Variants in PUS10 observed in about 807,000 individuals in gnomAD.
PUS10 encodes the protein tRNA pseudouridine synthase Pus10.
PUS10 carries 59 observed loss-of-function variants against 75.0 expected under a neutral mutation model. That is an observed-to-expected ratio of 0.79 (90% CI 0.64 to 0.98). The LOEUF is 0.98. PUS10 is among the 50% of genes least tolerant of loss of function. The pLI is 0.00. For synonymous variants in PUS10, 219 were observed against 211.6 expected (o/e 1.03, Z -0.30); for missense variants, 650 against 614.4 (o/e 1.06, Z -0.61).
chr2:61,015,887 C>T (rs924219315), intron 1 of PUS10, among the ~76,000 whole-genome samples: 1 of 152,096 alleles, frequency 6.6e-6, no homozygotes, highest in African/African-American at 2.4e-5. Context: ...TTCTGTTTCA[C>T]CTGTTACTCT....
At chr2:60,945,585 GGA>G (rs1674895834) in intron 16 of PUS10, among the ~76,000 whole-genome samples, 1 of 152,148 alleles carries the variant, frequency 6.6e-6, no homozygotes, top group African/African-American at 2.4e-5. Flanking sequence ...GCAATAGGGT[GGA>G]AGGAATAATG....
intron 6 of PUS10, chr2:60,965,774 T>TTC (rs1296538598): frequency 4.6e-6 from 1 of 217,132 alleles, no homozygotes; most frequent in Non-Finnish European, 9.0e-6. Flanking sequence ...TAAAGATGAA[T>TTC]GAGAATTTAC....
Position 60,953,128 on chromosome 2 carries a change from A to G in PUS10, c.1191-14T>C. 4.3e-6 allele frequency: 6 copies of G among 1,401,334 alleles called. No individual in the cohort carries two copies. Among genetic ancestry groups the G allele is most frequent in the Non-Finnish European group, 6.0e-6 (6 of 1,001,376 alleles). The allele number at this position is 1,401,334 out of a possible 1,614,324, so 86.8% of individuals were successfully genotyped here. A position where few individuals can be genotyped will look rare whatever the true frequency, so the allele number is the denominator to read the frequency against. On this transcript the variant is annotated splice_polypyrimidine_tract_variant and intron_variant, in intron 14 of 17. Coordinates refer to ENST00000316752, the MANE Select transcript of PUS10 (RefSeq NM_144709.4). ...CCTATTGCCTCTCTAAACAAAAACAATTTTTAGAAGTTTGTCCAAATAAAC... is the reference window on the plus strand; with the variant it reads ...CCTATTGCCTCTCTAAACAAAAACAGTTTTTAGAAGTTTGTCCAAATAAAC...
intron 4 of PUS10, among the ~76,000 whole-genome samples, chr2:60,987,310 T>C (rs1235103659): frequency 2.0e-5 from 3 of 152,188 alleles, no homozygotes; most frequent in African/African-American, 7.2e-5. Flanking sequence ...CAGGGGTCCC[T>C]GGACCTTAAT....
intron 11 of PUS10, among the ~76,000 whole-genome samples, chr2:60,959,736 G>A (rs1675900243): frequency 6.6e-6 from 1 of 152,126 alleles, no homozygotes; most frequent in African/African-American, 2.4e-5. Context: ...GAGTGCCTTG[G>A]CTGAAATCCA....
chr2:60,984,414 G>A (rs764951333), intron 4 of PUS10, among the ~76,000 whole-genome samples: 4 of 152,160 alleles, frequency 2.6e-5, no homozygotes, highest in Admixed American at 6.5e-5. Flanking sequence ...AGAAAATACC[G>A]AAGAGTGTAA....
At chr2:61,014,048 A>G (rs1261728420) in intron 1 of PUS10, among the ~76,000 whole-genome samples, 2 of 151,968 alleles carry the variant, frequency 1.3e-5, no homozygotes, top group Non-Finnish European at 2.9e-5. Flanking sequence ...ACCTGTTAAC[A>G]AAATAAAAAT....
At chr2:60,964,949 A>T in intron 8 of PUS10, 109 bp downstream of exon 8, 1 of 913,718 alleles carries the variant, frequency 1.1e-6, no homozygotes, top group Non-Finnish European at 1.7e-6. Flanking sequence ...GCTGATTCTT[A>T]GTATAATAGA....
chr2:60,962,904 A>G lies in PUS10; in HGVS notation c.724-14T>C. ...AGTGAATACAGACTATATAGGGTAA[A>G]ATGAGAAGAAAAGACATTTTATTAT... is the stretch of plus-strand genomic sequence containing the variant. On this transcript the variant is annotated splice_polypyrimidine_tract_variant and intron_variant, in intron 8 of 17. Coordinates refer to ENST00000316752, the MANE Select transcript of PUS10 (RefSeq NM_144709.4). 6.5e-7 allele frequency: 1 copy of G among 1,538,828 alleles called. No homozygotes were observed. Among genetic ancestry groups the G allele is most frequent in the Admixed American group, 2.4e-5 (1 of 42,062 alleles).
At chr2:60,962,728 A>G (rs1676108189) in intron 9 of PUS10, 98 bp downstream of exon 9, 2 of 1,475,182 alleles carry the variant, frequency 1.4e-6, no homozygotes, top group South Asian at 2.7e-5. Context: ...TGGCCCCTGA[A>G]ATACATCATC....
chr2:60,975,666 CAAAAAAA>C (rs1160640734), intron 4 of PUS10, among the ~76,000 whole-genome samples: 18 of 79,496 alleles, frequency 2.3e-4, no homozygotes, highest in Non-Finnish European at 3.7e-4. Flanking sequence ...AGGGAGCATT[CAAAAAAA>C]AAAAAAAAAA....
At chr2:60,962,951 G>T in intron 8 of PUS10, 61 bp from the exon 9 acceptor site, 2 of 1,488,068 alleles carry the variant, frequency 1.3e-6, no homozygotes, top group African/African-American at 1.5e-5. Context: ...AACATCAGAC[G>T]TGAAACACAG....
chr2:60,962,891 C>T lies in PUS10; in HGVS notation c.724-1G>A. 6.4e-7 allele frequency: 1 copy of T among 1,558,838 alleles called. No individual in the cohort carries two copies. The highest frequency in any genetic ancestry group is 1.2e-5 in the South Asian group (1 of 83,672). ...TAACTGCCATTCTAGTGAATACAGA[C>T]TATATAGGGTAAAATGAGAAGAAAA... is the stretch of plus-strand genomic sequence containing the variant. On this transcript the variant is annotated splice_acceptor_variant, in intron 8 of 17. Transcript: ENST00000316752. LOFTEE classifies it high-confidence loss of function.
At chr2:60,947,828 CAAAAA>C (rs890632119) in intron 16 of PUS10, among the ~76,000 whole-genome samples, 1 of 46,058 alleles carries the variant, frequency 2.2e-5, no homozygotes, top group Non-Finnish European at 4.6e-5. Context: ...GACTCTGCCT[CAAAAA>C]AAAAAAAAAA....
At chr2:60,957,497 G>A (rs577587140) in intron 11 of PUS10, among the ~76,000 whole-genome samples, 1 of 152,350 alleles carries the variant, frequency 6.6e-6, no homozygotes, top group South Asian at 2.1e-4. Context: ...ACCTGTCACG[G>A]CCTGTGTAAA....
chr2:60,990,159 C>T (rs568081328), intron 4 of PUS10, among the ~76,000 whole-genome samples: 11 of 151,414 alleles, frequency 7.3e-5, no homozygotes, highest in South Asian at 4.2e-4. Flanking sequence ...CACGCACGCA[C>T]GGGAAAAAAA....
chr2:61,005,269 A>G (rs889957631), intron 4 of PUS10, among the ~76,000 whole-genome samples: 3 of 152,182 alleles, frequency 2.0e-5, no homozygotes, highest in Non-Finnish European at 4.4e-5. Flanking sequence ...CTCAAAACAA[A>G]CAAACAAACA....
At chr2:60,950,183 G>A (rs1558867986) in intron 15 of PUS10, among the ~76,000 whole-genome samples, 1 of 152,178 alleles carries the variant, frequency 6.6e-6, no homozygotes, top group Non-Finnish European at 1.5e-5. Flanking sequence ...CATTGGAGAT[G>A]ATCTAGTCCA....
intron 15 of PUS10, among the ~76,000 whole-genome samples, chr2:60,952,761 C>T (rs1036863871): frequency 1.3e-5 from 2 of 152,126 alleles, no homozygotes; most frequent in African/African-American, 2.4e-5. Context: ...GCATTTGCAC[C>T]CAGGCAAACT....
Sources: gnomAD v4.1 joint callset for allele counts (sites outside exome capture counted in the v4.1 genomes callset) on GRCh38, gnomAD v4.1.1 for gene constraint, MANE v1.5 for transcripts, NCBI Gene and HGNC (gene_info 2026-07-23, HGNC 2026-07-21) for gene names.